Variants in HHLA2 observed in about 807,000 individuals in gnomAD.
The protein encoded by HHLA2 is HHLA2 member of B7 family.
HHLA2 carries 48 observed loss-of-function variants against 45.9 expected under a neutral mutation model. That is an observed-to-expected ratio of 1.05 (90% CI 0.83 to 1.33). The LOEUF (loss-of-function observed/expected upper bound fraction) is 1.33. Ranked by LOEUF, HHLA2 falls within the 40% of genes most tolerant of loss-of-function variation. The probability of loss-of-function intolerance (pLI) is 0.00; values close to 1 mark genes in which losing one functional copy is unlikely to be tolerated. For missense variants in HHLA2, 462 were observed against 494.3 expected (o/e 0.93, Z 0.62); for synonymous variants, 161 against 173.9 (o/e 0.93, Z 0.59).
At chr3:108,370,026 C>T (rs1488685607) in intron 8 of HHLA2, among the ~76,000 whole-genome samples, 2 of 150,530 alleles carry the variant, frequency 1.3e-5, no homozygotes, top group Admixed American at 6.6e-5. Context: ...CAAGTGGGTC[C>T]CTGACCCCCG....
At position 108,377,238 on chromosome 3, in the gene HHLA2, T is replaced by A. The variant is rs2082290504; in HGVS notation, c.1225-20T>A. 6.8e-7 allele frequency: 1 copy of A among 1,467,888 alleles called. No homozygotes were observed. The highest frequency in any genetic ancestry group is 1.4e-5 in the African/African-American group (1 of 72,128). 90.9% of individuals were successfully genotyped at this position (1,467,888 alleles called of 1,614,324 possible). On this transcript the variant is annotated intron_variant, in intron 10 of 10. Transcript: ENST00000619531. ...TGACTTGAACAACAGACATTTAGAG[T>A]CTATTTTTCTTGCTTCTAGCCTCTT...
intron 3 of HHLA2, among the ~76,000 whole-genome samples, chr3:108,340,941 TTCCTTCCTTTC>T (rs2081560763): frequency 8.1e-6 from 1 of 123,226 alleles, no homozygotes; most frequent in South Asian, 2.8e-4. Flanking sequence ...CCTTCCTTCC[TTCCTTCCTTTC>T]TTTCTTTCTT....
intron 2 of HHLA2, chr3:108,325,573 A>G (rs1480495708): frequency 3.8e-6 from 1 of 262,598 alleles, no homozygotes; most frequent in African/African-American, 2.3e-5. Context: ...TTGGCAAAGT[A>G]TTGGCCTCCC....
intron 6 of HHLA2, 115 bp downstream of exon 5, chr3:108,355,496 A>T: frequency 8.3e-7 from 1 of 1,211,656 alleles, no homozygotes; most frequent in South Asian, 1.5e-5. Flanking sequence ...ATCCATCTGC[A>T]GCGGTTAGAA....
chr3:108,327,463 CT>C (rs1241430177), intron 2 of HHLA2, among the ~76,000 whole-genome samples: 3 of 152,164 alleles, frequency 2.0e-5, no homozygotes, highest in Non-Finnish European at 4.4e-5. Context: ...ACTGTGTCCT[CT>C]GTTTCTCATC....
At chr3:108,369,083 A>C (rs980558599) in intron 8 of HHLA2, among the ~76,000 whole-genome samples, 10 of 152,200 alleles carry the variant, frequency 6.6e-5, no homozygotes, top group Non-Finnish European at 1.5e-5. Flanking sequence ...TCAGAACCAC[A>C]CAACTACAAG....
At chr3:108,319,858 C>T in intron 2 of HHLA2, among the ~76,000 whole-genome samples, 1 of 152,198 alleles carries the variant, frequency 6.6e-6, no homozygotes, top group East Asian at 1.9e-4. Context: ...GGAGTGCTTG[C>T]TCTGAATAGG....
intron 2 of HHLA2, among the ~76,000 whole-genome samples, chr3:108,327,333 G>A (rs1375201684): frequency 6.6e-6 from 1 of 152,052 alleles, no homozygotes; most frequent in Non-Finnish European, 1.5e-5. Flanking sequence ...GAGGTTTATA[G>A]GGCTTCTTGA....
intron 2 of HHLA2, among the ~76,000 whole-genome samples, chr3:108,310,995 T>C (rs980641479): frequency 6.6e-6 from 1 of 152,174 alleles, no homozygotes; most frequent in African/African-American, 2.4e-5. Flanking sequence ...TAAAGAAATA[T>C]AGAATTAAGA....
intron 2 of HHLA2, among the ~76,000 whole-genome samples, chr3:108,312,865 G>A (rs1410884674): frequency 1.3e-5 from 2 of 152,198 alleles, no homozygotes; most frequent in Admixed American, 6.5e-5. Flanking sequence ...AGGGAATGGA[G>A]AAAATCTGTT....
intron 2 of HHLA2, among the ~76,000 whole-genome samples, chr3:108,315,104 T>G (rs1222264663): frequency 6.6e-6 from 1 of 152,206 alleles, no homozygotes; most frequent in Non-Finnish European, 1.5e-5. Flanking sequence ...GTTAAGCATT[T>G]TATCAGAGGC....
intron 1 of HHLA2, among the ~76,000 whole-genome samples, chr3:108,305,668 G>A (rs1427970725): frequency 6.6e-6 from 1 of 152,106 alleles, no homozygotes; most frequent in Non-Finnish European, 1.5e-5. Context: ...CTCAGCTCTG[G>A]GTGGTGGCCA....
At chr3:108,327,078 G>A (rs568029213) in intron 2 of HHLA2, among the ~76,000 whole-genome samples, 1 of 152,194 alleles carries the variant, frequency 6.6e-6, no homozygotes, top group Non-Finnish European at 1.5e-5. Flanking sequence ...CTACAATTTT[G>A]GGTTGGAAGT....
At chr3:108,375,210 C>T (rs548373956) in intron 8 of HHLA2, among the ~76,000 whole-genome samples, 3 of 151,978 alleles carry the variant, frequency 2.0e-5, no homozygotes, top group Admixed American at 1.3e-4. Flanking sequence ...AATCATCATT[C>T]TCAGTAACTA....
intron 1 of HHLA2, among the ~76,000 whole-genome samples, chr3:108,300,553 G>A (rs2080832934): frequency 6.6e-6 from 1 of 152,200 alleles, no homozygotes; most frequent in East Asian, 1.9e-4. Context: ...TCCTTAATAA[G>A]AAGCGCTGGT....
intron 8 of HHLA2, 133 bp downstream of exon 7, chr3:108,362,579 C>A: frequency 1.5e-6 from 1 of 653,832 alleles, no homozygotes; most frequent in Non-Finnish European, 2.6e-6. Flanking sequence ...TCACAAAATT[C>A]ACCCAAAATC....
chr3:108,310,278 A>G (rs2080997948), intron 1 of HHLA2, among the ~76,000 whole-genome samples: 1 of 152,198 alleles, frequency 6.6e-6, no homozygotes, highest in Non-Finnish European at 1.5e-5. Context: ...AACAAGTCTT[A>G]CATGAATAAA....
chr3:108,337,419 C>T (rs560326423), intron 3 of HHLA2, among the ~76,000 whole-genome samples: 3 of 152,148 alleles, frequency 2.0e-5, no homozygotes, highest in Admixed American at 6.6e-5. Context: ...TAACTTTGGT[C>T]GCTTGCCACT....
intron 5 of HHLA2, 57 bp downstream of exon 4, chr3:108,353,837 T>A: frequency 7.5e-7 from 1 of 1,336,586 alleles, no homozygotes; most frequent in Non-Finnish European, 1.0e-6. Context: ...ATGTTATTAG[T>A]AAGCGTCTTT....
Sources: allele counts gnomAD v4.1 joint callset (sites outside exome capture counted in the v4.1 genomes callset), GRCh38; gene constraint gnomAD v4.1.1; transcripts MANE v1.5; gene names NCBI Gene and HGNC (gene_info 2026-07-23, HGNC 2026-07-21).